The following SLC35F4 variants were observed in gnomAD, a reference collection of about 807,000 sequenced individuals.
The protein encoded by SLC35F4 is solute carrier family 35 member F4.
SLC35F4 carries 24 observed loss-of-function variants against 44.2 expected under a neutral mutation model. The ratio of observed to expected loss-of-function variants is 0.54; its 90% CI spans 0.39 to 0.76. SLC35F4 has a LOEUF of 0.76. Among genes scored for constraint, SLC35F4 ranks in the 30% least tolerant of loss-of-function variants. The probability of loss-of-function intolerance (pLI) is 0.00; values close to 1 mark genes in which losing one functional copy is unlikely to be tolerated. For missense variants in SLC35F4, 562 were observed against 586.1 expected, an observed-to-expected ratio of 0.96 and a Z score of 0.42; for synonymous variants, 238 against 223.6, an observed-to-expected ratio of 1.06 and a Z score of -0.57.
chr14:57,961,183 G>A (rs562732933), intron 1 of SLC35F4, among the ~76,000 whole-genome samples: 55 of 152,268 alleles, frequency 3.6e-4, no homozygotes, highest in Middle Eastern at 3.4e-3. Flanking sequence ...TCAGCCGTGC[G>A]CACCCGTCTG....
intron 1 of SLC35F4, among the ~76,000 whole-genome samples, chr14:57,701,806 A>C (rs1464223578): frequency 6.6e-6 from 1 of 152,218 alleles, no homozygotes; most frequent in Non-Finnish European, 1.5e-5. Context: ...CTATAATAAA[A>C]GTTATATGAA....
At chr14:57,805,318 T>C (rs1881181939) in intron 1 of SLC35F4, among the ~76,000 whole-genome samples, 1 of 152,184 alleles carries the variant, frequency 6.6e-6, no homozygotes, top group African/African-American at 2.4e-5. Flanking sequence ...GATACATGCA[T>C]GCATATGTTC....
upstream of SLC35F4, among the ~76,000 whole-genome samples, chr14:57,868,326 A>C (rs1294568510): frequency 6.6e-6 from 1 of 152,242 alleles, no homozygotes; most frequent in Non-Finnish European, 1.5e-5. Flanking sequence ...GAAGGAACTG[A>C]AATCCTACAA....
downstream of SLC35F4, among the ~76,000 whole-genome samples, chr14:57,975,244 T>A (rs1234826373): frequency 2.0e-5 from 3 of 152,156 alleles, 1 homozygote; most frequent in Admixed American, 2.0e-4. Context: ...ACAGGTGGCT[T>A]CCCCTCCACT....
chr14:57,727,248 G>A (rs966134077), intron 1 of SLC35F4, among the ~76,000 whole-genome samples: 1 of 151,548 alleles, frequency 6.6e-6, no homozygotes, highest in Non-Finnish European at 1.5e-5. Flanking sequence ...GAATTTCTGT[G>A]ATATAAGTTG....
Position 57,680,278 on chromosome 14 carries a change from G to A in SLC35F4, c.104-86154C>T, listed in dbSNP as rs147110895. On this transcript the variant is annotated intron_variant, in intron 1 of 7. Transcript: ENST00000556826. ...ACAGAATCAATGACAAAAACCACAT[G>A]ATTATCTCAACAGATGTAGAAAAGG... Among the ~76,000 whole-genome samples the A allele has an allele frequency of 1.2e-4, 19 of 152,168 alleles. 1 individual carries two copies. Among genetic ancestry groups the A allele is most frequent in the Non-Finnish European group, 2.6e-4 (18 of 68,030 alleles).
intron 1 of SLC35F4, among the ~76,000 whole-genome samples, chr14:57,845,111 A>G (rs1885890097): frequency 6.6e-6 from 1 of 152,226 alleles, no homozygotes. Flanking sequence ...GTACCCTACT[A>G]AAAACAAAGT....
intron 1 of SLC35F4, among the ~76,000 whole-genome samples, chr14:57,850,162 T>C (rs1312130754): frequency 5.3e-5 from 8 of 152,192 alleles, no homozygotes; most frequent in Non-Finnish European, 1.2e-4. Flanking sequence ...ATAAAATCTA[T>C]TCTGTAAGCC....
At chr14:57,754,206 G>A (rs1038365848) in intron 1 of SLC35F4, among the ~76,000 whole-genome samples, 5 of 149,402 alleles carry the variant, frequency 3.3e-5, no homozygotes, top group South Asian at 2.1e-4. Context: ...AGGTTCAAGC[G>A]ATTCTCCTGC....
At chr14:57,789,132 AAAG>A (rs1413804742) in intron 1 of SLC35F4, among the ~76,000 whole-genome samples, 2 of 151,996 alleles carry the variant, frequency 1.3e-5, no homozygotes, top group Admixed American at 6.6e-5. Flanking sequence ...AGCTAGCAGA[AAAG>A]AAGTAACTAA....
At chr14:57,633,490 G>A (rs1432210522) in intron 1 of SLC35F4, among the ~76,000 whole-genome samples, 2 of 152,066 alleles carry the variant, frequency 1.3e-5, no homozygotes, top group African/African-American at 4.8e-5. Context: ...TGATGTGAAA[G>A]AATACTAACT....
chr14:57,944,226 T>G (rs1470179477), intron 1 of SLC35F4, among the ~76,000 whole-genome samples: 2 of 152,162 alleles, frequency 1.3e-5, no homozygotes, highest in African/African-American at 4.8e-5. Context: ...ATCCAATTCA[T>G]TTTATTTTCA....
chr14:57,673,457 T>C (rs7140381), intron 1 of SLC35F4, among the ~76,000 whole-genome samples: 67,754 of 151,968 alleles, frequency 0.45, 15,431 homozygotes, highest in African/African-American at 0.53. Flanking sequence ...TCATAATACC[T>C]TTCATAGGGT....
intron 1 of SLC35F4, among the ~76,000 whole-genome samples, chr14:57,731,579 G>A (rs1026365753): frequency 6.6e-6 from 1 of 152,202 alleles, no homozygotes; most frequent in African/African-American, 2.4e-5. Flanking sequence ...AGGCAAGATT[G>A]TCAGGTAGTC....
chr14:57,570,687 G>A (rs1048234986), intron 5 of SLC35F4, among the ~76,000 whole-genome samples: 6 of 152,164 alleles, frequency 3.9e-5, no homozygotes, highest in African/African-American at 1.4e-4. Flanking sequence ...GAGTGAAGCA[G>A]ATCTCTTCTG....
intron 1 of SLC35F4, among the ~76,000 whole-genome samples, chr14:57,647,693 C>G (rs1255299041): frequency 2.0e-5 from 3 of 152,136 alleles, no homozygotes; most frequent in Admixed American, 2.0e-4. Flanking sequence ...GAACCTTTTC[C>G]TAGACCCATC....
At chr14:57,595,539 A>C (rs1188391664) in intron 1 of SLC35F4, among the ~76,000 whole-genome samples, 2 of 152,272 alleles carry the variant, frequency 1.3e-5, no homozygotes, top group Non-Finnish European at 2.9e-5. Flanking sequence ...GGAGGTCTAC[A>C]TATATTATCT....
At chr14:57,893,193 A>G (rs1413783366) in intron 1 of SLC35F4, among the ~76,000 whole-genome samples, 3 of 152,174 alleles carry the variant, frequency 2.0e-5, no homozygotes, top group Admixed American at 1.3e-4. Flanking sequence ...GGCACCTTGG[A>G]AAAACATAGA....
At position 57,647,160 on chromosome 14, in the gene SLC35F4, C is replaced by G. The variant is rs142065502; in HGVS notation, c.104-53036G>C. On this transcript the variant is annotated intron_variant, in intron 1 of 7. Transcript: ENST00000556826. ...GGTCCGCTTGGTGCAGAGCTGAGTT[C>G]AATTCCTGGATATCCTTGTTGACTT... 3.2e-4 allele frequency among the ~76,000 whole-genome samples: 48 copies of G among 151,352 alleles called. 1 individual carries two copies. Among genetic ancestry groups the G allele is most frequent in the African/African-American group, 1.1e-3 (45 of 41,198 alleles).
Sources: allele counts gnomAD v4.1 joint callset (sites outside exome capture counted in the v4.1 genomes callset), GRCh38; gene constraint gnomAD v4.1.1; transcripts MANE v1.5; gene names NCBI Gene and HGNC (gene_info 2026-07-23, HGNC 2026-07-21).